The following DPP6 variants were observed in gnomAD, a reference collection of about 807,000 sequenced individuals.
The protein encoded by DPP6 is dipeptidyl peptidase like 6, also known as A-type potassium channel modulatory protein DPP6.
Under a neutral mutation model 122.6 loss-of-function variants are expected in DPP6, and 69 were observed. The ratio of observed to expected loss-of-function variants is 0.56; its 90% CI spans 0.46 to 0.69. The LOEUF (loss-of-function observed/expected upper bound fraction) is 0.69. DPP6 is among the 30% of genes least tolerant of loss of function. The probability of loss-of-function intolerance (pLI) is 0.00; values close to 1 mark genes in which losing one functional copy is unlikely to be tolerated. For missense variants in DPP6, 928 were observed against 1,116.9 expected, an observed-to-expected ratio of 0.83 and a Z score of 2.41; for synonymous variants, 418 against 433.1, an observed-to-expected ratio of 0.97 and a Z score of 0.43.
the DPP6 span, among the ~76,000 whole-genome samples, chr7:153,778,450 C>A: frequency 6.6e-6 from 1 of 151,690 alleles, no homozygotes; most frequent in Admixed American, 6.6e-5. Context: ...TGACACCCCA[C>A]AACAATGAAT....
chr7:154,355,960 C>T (rs1020035006), intron 1 of DPP6, among the ~76,000 whole-genome samples: 1 of 152,088 alleles, frequency 6.6e-6, no homozygotes, highest in African/African-American at 2.4e-5. Context: ...TTTTCCAATC[C>T]ATGAATGTGA....
At chr7:154,574,434 GTGTGTA>G (rs1831344664) in intron 5 of DPP6, among the ~76,000 whole-genome samples, 1 of 144,314 alleles carries the variant, frequency 6.9e-6, no homozygotes. Context: ...TGTGTGGTGT[GTGTGTA>G]TGTGTGTGGT....
At chr7:154,564,414 G>A (rs1475280928) in intron 4 of DPP6, among the ~76,000 whole-genome samples, 2 of 152,188 alleles carry the variant, frequency 1.3e-5, no homozygotes, top group African/African-American at 4.8e-5. Context: ...TACATCTACA[G>A]GAGGGTCAAA....
At chr7:154,675,913 A>G (rs190835268) in intron 7 of DPP6, among the ~76,000 whole-genome samples, 3 of 152,350 alleles carry the variant, frequency 2.0e-5, no homozygotes, top group African/African-American at 7.2e-5. Context: ...AAGTCTTAAC[A>G]AAGTGATGCC....
the DPP6 span, among the ~76,000 whole-genome samples, chr7:153,849,354 C>A: frequency 6.6e-6 from 1 of 151,806 alleles, no homozygotes; most frequent in Admixed American, 6.6e-5. Flanking sequence ...TGCAGAGGTG[C>A]TTTCCTGGTT....
the DPP6 span, among the ~76,000 whole-genome samples, chr7:153,748,708 G>C: frequency 8.8e-6 from 1 of 113,784 alleles, no homozygotes; most frequent in Non-Finnish European, 1.9e-5. Flanking sequence ...CGCTGGCGCC[G>C]GCCCGGCTTC....
chr7:154,500,560 G>C (rs956184614), intron 3 of DPP6, among the ~76,000 whole-genome samples: 2 of 152,146 alleles, frequency 1.3e-5, no homozygotes, highest in Non-Finnish European at 2.9e-5. Context: ...AGTCTCATGA[G>C]ATCTGATGGT....
At chr7:154,544,832 C>G (rs956335741) in intron 4 of DPP6, among the ~76,000 whole-genome samples, 6 of 152,186 alleles carry the variant, frequency 3.9e-5, no homozygotes, top group Non-Finnish European at 1.5e-5. Context: ...GCTCAGGGCT[C>G]AGGCAGGAGG....
intron 4 of DPP6, among the ~76,000 whole-genome samples, chr7:154,543,993 C>CAAAAAAA (rs35853479): frequency 5.8e-5 from 4 of 68,908 alleles, no homozygotes; most frequent in Non-Finnish European, 2.7e-5. Flanking sequence ...GACTCCATCT[C>CAAAAAAA]AAAAAAAAAA....
At chr7:153,856,109 T>A in the DPP6 span, among the ~76,000 whole-genome samples, 1 of 152,132 alleles carries the variant, frequency 6.6e-6, no homozygotes. Flanking sequence ...GGTCAGATCA[T>A]GACAATTCTC....
At chr7:153,856,466 CCT>C in the DPP6 span, among the ~76,000 whole-genome samples, 1 of 152,116 alleles carries the variant, frequency 6.6e-6, no homozygotes. Context: ...TCATTGACAT[CCT>C]ATTTACTTTT....
At chr7:154,090,904 A>G (rs998896162) in intron 1 of DPP6, among the ~76,000 whole-genome samples, 9 of 149,004 alleles carry the variant, frequency 6.0e-5, no homozygotes, top group African/African-American at 2.2e-4. Flanking sequence ...GCGGATCACA[A>G]AGTCAGGAGA....
the DPP6 span, among the ~76,000 whole-genome samples, chr7:153,752,060 A>T: frequency 1.3e-4 from 19 of 151,688 alleles, no homozygotes; most frequent in African/African-American, 4.6e-4. Flanking sequence ...GTTTTATAGG[A>T]CCTTCATGGT....
At chr7:154,639,774 T>C (rs1835950102) in intron 6 of DPP6, among the ~76,000 whole-genome samples, 1 of 152,168 alleles carries the variant, frequency 6.6e-6, no homozygotes, top group Non-Finnish European at 1.5e-5. Context: ...TTTAATGGAA[T>C]CAGAGCAAGA....
chr7:154,426,436 A>C (rs1817916951), intron 1 of DPP6, among the ~76,000 whole-genome samples: 1 of 152,162 alleles, frequency 6.6e-6, no homozygotes, highest in African/African-American at 2.4e-5. Flanking sequence ...AGCTATGGTA[A>C]TGAATATGAC....
intron 1 of DPP6, among the ~76,000 whole-genome samples, chr7:154,238,852 C>T (rs189816077): frequency 3.5e-4 from 53 of 152,338 alleles, no homozygotes; most frequent in African/African-American, 1.2e-3. Context: ...AGACATTAAA[C>T]GATTTTCCTC....
At chr7:153,938,020 G>A (rs1159178614) in intron 1 of DPP6, among the ~76,000 whole-genome samples, 1 of 152,182 alleles carries the variant, frequency 6.6e-6, no homozygotes, top group African/African-American at 2.4e-5. Context: ...TCTTAGTAAG[G>A]AGAACCTCTG....
At chr7:154,305,335 T>TGGGGGG in intron 1 of DPP6, 14 of 1,024,670 alleles carry the variant, frequency 1.4e-5, no homozygotes, top group Non-Finnish European at 1.7e-5. Flanking sequence ...TCGTCTTGTC[T>TGGGGGG]ACCCACCCTC....
intron 3 of DPP6, among the ~76,000 whole-genome samples, chr7:154,519,052 C>T (rs1826763940): frequency 6.6e-6 from 1 of 152,134 alleles, no homozygotes; most frequent in Non-Finnish European, 1.5e-5. Context: ...GTGATGATAC[C>T]TCCACCCACT....
Sources: allele counts gnomAD v4.1 joint callset (sites outside exome capture counted in the v4.1 genomes callset), GRCh38; gene constraint gnomAD v4.1.1; transcripts MANE v1.5; gene names NCBI Gene and HGNC (gene_info 2026-07-23, HGNC 2026-07-21).